PASD1: variants seen among roughly 807,000 people sequenced by gnomAD.
PASD1 encodes the protein PAS domain containing repressor 1, also known as circadian clock protein PASD1.
Under a neutral mutation model 58.8 loss-of-function variants are expected in PASD1, and 13 were observed. The ratio of observed to expected loss-of-function variants is 0.22; its 90% CI spans 0.14 to 0.35. The LOEUF (loss-of-function observed/expected upper bound fraction) is 0.35. Among genes scored for constraint, PASD1 ranks in the 10% least tolerant of loss-of-function variants. The pLI is 1.00. For missense variants in PASD1, 734 were observed against 568.3 expected, an observed-to-expected ratio of 1.29 and a Z score of -2.96; for synonymous variants, 236 against 216.7, an observed-to-expected ratio of 1.09 and a Z score of -0.78.
In PASD1 at chrX:151,671,175, A is replaced by G. The variant is rs929647086; in HGVS notation, c.1209A>G (p.Glu403=). The part of the protein sequence containing the change: ...DAIQNQQNAL[E]LMMDHLQKQP... The stretch of plus-strand genomic sequence containing the variant: ...TCCAAAACCAGCAGAATGCATTGGA[A>G]TTGATGATGGATCACCTTCAGGTCA... Residue 403 remains glutamate (E), a synonymous_variant, in exon 12 of 16, where the codon GAA becomes GAG. Transcript: ENST00000370357. 3.3e-6 allele frequency: 4 copies of G among 1,210,034 alleles called. No individual in the cohort carries two copies. The highest frequency in any genetic ancestry group is 2.2e-6 in the Non-Finnish European group (2 of 895,177).
In PASD1 at chrX:151,671,727, A is replaced by G. The variant is rs765570813; in HGVS notation, c.1385A>G (p.Asn462Ser). 7.4e-6 allele frequency: 9 copies of G among 1,208,503 alleles called. No individual in the cohort carries two copies. The highest frequency in any genetic ancestry group is 4.4e-5 in the Admixed American group (2 of 45,740). The change falls in exon 13 of 16, where the codon AAC becomes AGC. Residue 462 changes from asparagine to serine, a missense_variant. Asn to Ser is a conservative substitution (Grantham distance 46). Transcript: ENST00000370357. ...TGTTTCTGTGGTTTATCTTTATCCA[A>G]CTCTCTCAAAAACACTGGGGAGCTT... ...VKCFCGLSLSNSLKNTGELQE... is the reference protein window; with the variant it reads ...VKCFCGLSLSSSLKNTGELQE...
intron 2 of PASD1, among the ~76,000 whole-genome samples, chrX:151,602,295 G>A (rs2013427623): frequency 9.0e-6 from 1 of 111,641 alleles, no homozygotes; most frequent in African/African-American, 3.3e-5. Flanking sequence ...TTTGATGAAG[G>A]TTCATAGCTA....
chrX:151,647,578 G>A (rs779807390), intron 8 of PASD1, among the ~76,000 whole-genome samples: 19 of 108,156 alleles, frequency 1.8e-4, no homozygotes, highest in African/African-American at 5.0e-4. Flanking sequence ...TTCTGTATTC[G>A]ATATAGTCCA....
At chrX:151,633,177 C>T (rs984371055) in intron 8 of PASD1, among the ~76,000 whole-genome samples, 1 of 111,203 alleles carries the variant, frequency 9.0e-6, no homozygotes, top group African/African-American at 3.3e-5. Flanking sequence ...AGATGGTACT[C>T]TCTCCATGAA....
intron 9 of PASD1, among the ~76,000 whole-genome samples, chrX:151,649,091 A>G (rs1339668244): frequency 8.9e-6 from 1 of 112,034 alleles, no homozygotes; most frequent in Admixed American, 9.5e-5. Context: ...CAATTTATTC[A>G]TTAACCAGAT....
intron 3 of PASD1, among the ~76,000 whole-genome samples, chrX:151,607,093 A>G (rs957414109): frequency 9.0e-6 from 1 of 111,339 alleles, no homozygotes; most frequent in African/African-American, 3.3e-5. Context: ...CTTCTTCCCT[A>G]CTATTTCCTG....
chrX:151,653,832 TTCCTTCCTTCCTTCCCTCCC>T (rs2014185359), intron 9 of PASD1, among the ~76,000 whole-genome samples: 1 of 21,438 alleles, frequency 4.7e-5, no homozygotes, highest in African/African-American at 1.1e-4. Context: ...CCTTCCTTCC[TTCCTTCCTTCCTTCCCTCCC>T]TCCCTCCCTC....
At chrX:151,599,675 G>A (rs1001356201) in intron 1 of PASD1, among the ~76,000 whole-genome samples, 2 of 106,921 alleles carry the variant, frequency 1.9e-5, no homozygotes, top group Non-Finnish European at 3.9e-5. Context: ...CGGGGCAGAC[G>A]GGCAGAGGCG....
chrX:151,633,673 C>CTATTAGA (rs1350262672), intron 8 of PASD1, among the ~76,000 whole-genome samples: 4 of 111,720 alleles, frequency 3.6e-5, no homozygotes, highest in African/African-American at 1.3e-4. Context: ...AATCATTAAA[C>CTATTAGA]TATTAGATTT....
At chrX:151,639,201 A>T (rs1054690343) in intron 8 of PASD1, among the ~76,000 whole-genome samples, 4 of 112,262 alleles carry the variant, frequency 3.6e-5, no homozygotes, top group Non-Finnish European at 5.6e-5. Context: ...TTTTTCCATT[A>T]TGTTGTTCAA....
In PASD1 at chrX:151,573,914, G is replaced by A. The variant is rs755778469; in HGVS notation, c.-28+10075G>A. On this transcript the variant is annotated intron_variant, in intron 1 of 15. Coordinates refer to ENST00000370357, the MANE Select transcript of PASD1 (RefSeq NM_173493.3). Reference sequence around the variant, plus strand: ...GAACACATGTGATTGTAATAGGAGAGCACATTCAATAAATATTTGTGGAGA... The same window carrying A: ...GAACACATGTGATTGTAATAGGAGAACACATTCAATAAATATTTGTGGAGA... 6.2e-5 allele frequency among the ~76,000 whole-genome samples: 7 copies of A among 112,266 alleles called. 1 individual carries two copies. In the South Asian group the frequency reaches 1.5e-3, roughly 24 times the overall value.
At chrX:151,663,362 C>T (rs558563680) in intron 10 of PASD1, among the ~76,000 whole-genome samples, 12 of 112,261 alleles carry the variant, frequency 1.1e-4, no homozygotes, top group Non-Finnish European at 2.1e-4. Context: ...GATTCATCCA[C>T]GTTTGCATGA....
At chrX:151,642,680 C>T (rs1236532052) in intron 8 of PASD1, among the ~76,000 whole-genome samples, 1 of 112,100 alleles carries the variant, frequency 8.9e-6, no homozygotes, top group Non-Finnish European at 1.9e-5. Flanking sequence ...CCAAATTTAC[C>T]ATTTTCCCCA....
intron 2 of PASD1, among the ~76,000 whole-genome samples, chrX:151,602,175 A>G (rs1010624225): frequency 9.0e-6 from 1 of 111,671 alleles, no homozygotes; most frequent in Non-Finnish European, 1.9e-5. Context: ...AGTGTACAAT[A>G]TACTGTTATT....
intron 10 of PASD1, among the ~76,000 whole-genome samples, chrX:151,661,479 A>C (rs963806686): frequency 8.9e-6 from 1 of 112,283 alleles, no homozygotes; most frequent in African/African-American, 3.2e-5. Context: ...GAGTTGCAAA[A>C]ATAGCACAAA....
At chrX:151,653,751 C>CTTCTTTCT (rs1246137820) in intron 9 of PASD1, among the ~76,000 whole-genome samples, 173 of 16,910 alleles carry the variant, frequency 0.01, 1 homozygote, top group Non-Finnish European at 0.018. Context: ...TCTTTCCTTC[C>CTTCTTTCT]TTCTTTCTTT....
At chrX:151,600,949 T>G (rs749285545) in intron 1 of PASD1, among the ~76,000 whole-genome samples, 1 of 112,511 alleles carries the variant, frequency 8.9e-6, no homozygotes, top group South Asian at 3.7e-4. Flanking sequence ...ACCTTGAGGC[T>G]TTGGCCTTGA....
At chrX:151,638,463 C>T (rs920270970) in intron 8 of PASD1, among the ~76,000 whole-genome samples, 4 of 107,286 alleles carry the variant, frequency 3.7e-5, no homozygotes, top group African/African-American at 1.4e-4. Context: ...GAAAAGAAAA[C>T]AATAACAACA....
chrX:151,662,626 CCAACAA>C (rs752946088), intron 10 of PASD1, among the ~76,000 whole-genome samples: 1 of 110,870 alleles, frequency 9.0e-6, no homozygotes, highest in African/African-American at 3.3e-5. Flanking sequence ...CATGTAACAA[CCAACAA>C]CAACAACAAC....
Sources: gnomAD v4.1 joint callset for allele counts (sites outside exome capture counted in the v4.1 genomes callset) on GRCh38, gnomAD v4.1.1 for gene constraint, MANE v1.5 for transcripts, NCBI Gene and HGNC (gene_info 2026-07-23, HGNC 2026-07-21) for gene names.